MGAT4C: variants seen among roughly 807,000 people sequenced by gnomAD.
The protein encoded by MGAT4C is MGAT4 family member C.
In MGAT4C, 19 loss-of-function variants were observed where a neutral mutation model predicts 40.1. That is an observed-to-expected ratio of 0.47 (90% confidence interval 0.33 to 0.70). The LOEUF is 0.70. MGAT4C is among the 30% of genes least tolerant of loss of function. The pLI, the probability that MGAT4C is intolerant of heterozygous loss-of-function variation, is 0.02. For synonymous variants in MGAT4C, 181 were observed against 187.1 expected (o/e 0.97, Z 0.27); for missense variants, 491 against 563.2 (o/e 0.87, Z 1.30).
At chr12:86,335,815 A>G (rs1465983640) in intron 3 of MGAT4C, among the ~76,000 whole-genome samples, 1 of 152,180 alleles carries the variant, frequency 6.6e-6, no homozygotes, top group Non-Finnish European at 1.5e-5. Flanking sequence ...CAAAATGTCT[A>G]CAAATGTAAT....
intron 2 of MGAT4C, among the ~76,000 whole-genome samples, chr12:86,553,050 C>A (rs896340901): frequency 5.9e-5 from 9 of 151,986 alleles, no homozygotes; most frequent in Admixed American, 5.9e-4. Context: ...TTTGCTTTTT[C>A]TAGATATCAT....
intron 1 of MGAT4C, among the ~76,000 whole-genome samples, chr12:86,097,431 GA>G (rs1472527978): frequency 1.3e-5 from 2 of 151,550 alleles, no homozygotes; most frequent in African/African-American, 4.8e-5. Context: ...ATAACATGTT[GA>G]TTAATTACTG....
rs547121015 is a variant in MGAT4C, at chr12:86,775,828, T to A, written c.-261-48587A>T. On this transcript the variant is annotated intron_variant, in intron 1 of 7. Transcript: ENST00000548651. ...TTTTCTAAACTTTTAAAGTTTTGAT[T>A]TTCTTCTTTTTTACCCTGAAATATA... is the stretch of plus-strand genomic sequence containing the variant. 1.4e-4 allele frequency among the ~76,000 whole-genome samples: 20 copies of A among 144,708 alleles called. No homozygotes were observed. The South Asian group carries it at 4.3e-3, about 31-fold the overall frequency. 94.9% of individuals were successfully genotyped at this position (144,708 alleles called of 152,430 possible).
At chr12:85,983,455 TG>T in intron 4 of MGAT4C, 67 bp downstream of exon 4, 1 of 1,354,460 alleles carries the variant, frequency 7.4e-7, no homozygotes, top group Non-Finnish European at 9.8e-7. Flanking sequence ...ACTATACATG[TG>T]AAACTATCAT....
At chr12:86,589,595 A>T (rs2136446375) in intron 2 of MGAT4C, among the ~76,000 whole-genome samples, 1 of 152,130 alleles carries the variant, frequency 6.6e-6, no homozygotes, top group South Asian at 2.1e-4. Flanking sequence ...GCAGAGACAC[A>T]ACCAAAAAAG....
At chr12:86,490,262 C>A (rs1437797674) in intron 2 of MGAT4C, among the ~76,000 whole-genome samples, 1 of 151,976 alleles carries the variant, frequency 6.6e-6, no homozygotes, top group Non-Finnish European at 1.5e-5. Flanking sequence ...GAGTGGGGGC[C>A]AATATTCAAC....
At chr12:86,418,864 T>C (rs946288115) in intron 3 of MGAT4C, among the ~76,000 whole-genome samples, 2 of 152,034 alleles carry the variant, frequency 1.3e-5, no homozygotes, top group Non-Finnish European at 2.9e-5. Flanking sequence ...AAAAGTTGAT[T>C]GGACTCTGCC....
chr12:86,703,522 A>G (rs1221076286), intron 2 of MGAT4C, among the ~76,000 whole-genome samples: 1 of 152,200 alleles, frequency 6.6e-6, no homozygotes, highest in African/African-American at 2.4e-5. Context: ...AAAAAAATTC[A>G]ACTCACTGAA....
chr12:86,210,656 T>C (rs1566151145), intron 1 of MGAT4C, among the ~76,000 whole-genome samples: 1 of 152,220 alleles, frequency 6.6e-6, no homozygotes. Flanking sequence ...TACATTTACC[T>C]TTAAGGCTTC....
chr12:86,412,784 T>C (rs1956631321), intron 3 of MGAT4C, among the ~76,000 whole-genome samples: 3 of 152,218 alleles, frequency 2.0e-5, no homozygotes, highest in Admixed American at 2.0e-4. Flanking sequence ...GACCAAATTA[T>C]ACAGTTTGTA....
chr12:85,965,454 G>T lies in MGAT4C; in HGVS notation c.*13835C>A, dbSNP rs1187555980. On this transcript the variant is annotated 3_prime_UTR_variant, in exon 5 of 5. Transcript: ENST00000611864. Reference sequence around the variant, plus strand: ...CTACTAAAAATACAAAAAATTAGCCGGGCGTGGTGGCGGGCGCCTGTACTC... The same window carrying T: ...CTACTAAAAATACAAAAAATTAGCCTGGCGTGGTGGCGGGCGCCTGTACTC... 6.6e-6 allele frequency: 1 copy of T among 151,796 alleles called. No individual in the cohort carries two copies. The highest frequency in any genetic ancestry group is 2.4e-5 in the African/African-American group (1 of 41,304). The allele number at this position is 151,796 out of a possible 1,614,324, so 9.4% of individuals were successfully genotyped here.
intron 3 of MGAT4C, among the ~76,000 whole-genome samples, chr12:86,410,058 G>A (rs1956572706): frequency 6.6e-6 from 1 of 152,074 alleles, no homozygotes; most frequent in Admixed American, 6.6e-5. Context: ...GCTTTAAAGG[G>A]CAATAAAGAT....
At chr12:86,402,002 T>A (rs1956372935) in intron 3 of MGAT4C, among the ~76,000 whole-genome samples, 1 of 152,040 alleles carries the variant, frequency 6.6e-6, no homozygotes, top group African/African-American at 2.4e-5. Flanking sequence ...AAACTGCATG[T>A]CCTGTATTGA....
At chr12:86,099,014 A>G (rs543839093) in intron 1 of MGAT4C, among the ~76,000 whole-genome samples, 75 of 151,692 alleles carry the variant, frequency 4.9e-4, no homozygotes, top group Non-Finnish European at 8.9e-4. Context: ...AGGCATTTAT[A>G]GAAATTCTAC....
chr12:86,255,809 C>T (rs1240557280), intron 1 of MGAT4C, among the ~76,000 whole-genome samples: 2 of 152,056 alleles, frequency 1.3e-5, no homozygotes, highest in African/African-American at 4.8e-5. Flanking sequence ...AAAGAACTGC[C>T]ATTTAACAAT....
rs189041687 is a variant in MGAT4C, at chr12:86,554,584, A to C, written c.-228-119319T>G. ...TCCAGGTGCTCCTATTTTGTCTTCA[A>C]CTTACATATTATTCATAAGAAAGAT... On this transcript the variant is annotated intron_variant, in intron 2 of 7. Coordinates refer to the MGAT4C transcript ENST00000548651. Among the ~76,000 whole-genome samples, 412 of 152,252 alleles carry C rather than the reference A, an allele frequency of 2.7e-3. 7 individuals carry two copies. In the South Asian group the frequency reaches 0.03, roughly 11 times the overall value.
At chr12:86,335,794 C>T (rs1002897118) in intron 3 of MGAT4C, among the ~76,000 whole-genome samples, 2 of 152,116 alleles carry the variant, frequency 1.3e-5, no homozygotes, top group Non-Finnish European at 2.9e-5. Context: ...CCCTTACTGA[C>T]ATTAAGGCAC....
chr12:86,260,655 T>G (rs1952639171), upstream of MGAT4C, among the ~76,000 whole-genome samples: 1 of 152,038 alleles, frequency 6.6e-6, no homozygotes, highest in Admixed American at 6.6e-5. Flanking sequence ...GAGCATAGAG[T>G]GTAAGTCAGA....
intron 2 of MGAT4C, among the ~76,000 whole-genome samples, chr12:86,443,596 TTTTG>T (rs965489902): frequency 7.9e-5 from 12 of 152,178 alleles, no homozygotes; most frequent in Middle Eastern, 3.4e-3. Flanking sequence ...TTGTTGTTGT[TTTTG>T]TTTGTTTGTT....
Sources: allele counts gnomAD v4.1 joint callset (sites outside exome capture counted in the v4.1 genomes callset), GRCh38; gene constraint gnomAD v4.1.1; transcripts MANE v1.5; gene names NCBI Gene and HGNC (gene_info 2026-07-23, HGNC 2026-07-21).